MYO16: variants seen among roughly 807,000 people sequenced by gnomAD.
MYO16 encodes unconventional myosin-XVI.
Under a neutral mutation model 205.3 loss-of-function variants are expected in MYO16, and 94 were observed. The ratio of observed to expected loss-of-function variants is 0.46; its 90% CI spans 0.39 to 0.54. The LOEUF (loss-of-function observed/expected upper bound fraction) is 0.54, where lower values mean the gene tolerates loss of function less well. Among genes scored for constraint, MYO16 ranks in the 20% least tolerant of loss-of-function variants. MYO16 has a pLI of 0.00. For synonymous variants in MYO16, 988 were observed against 954.0 expected (o/e 1.04, Z -0.66); for missense variants, 2,315 against 2,387.5 (o/e 0.97, Z 0.63).
intron 1 of MYO16, among the ~76,000 whole-genome samples, chr13:108,598,318 G>GAGAC (rs61231267): frequency 6.6e-6 from 1 of 151,808 alleles, no homozygotes; most frequent in East Asian, 1.9e-4. Flanking sequence ...GAGAGAGAGA[G>GAGAC]AGACAGACAG....
intron 16 of MYO16, among the ~76,000 whole-genome samples, chr13:108,916,076 A>G (rs1374032889): frequency 6.6e-6 from 1 of 151,960 alleles, no homozygotes; most frequent in Non-Finnish European, 1.5e-5. Flanking sequence ...AGTCTTCATA[A>G]TTATGTGCTA....
At chr13:108,931,802 A>G (rs1882268358) in intron 16 of MYO16, among the ~76,000 whole-genome samples, 1 of 152,200 alleles carries the variant, frequency 6.6e-6, no homozygotes, top group Non-Finnish European at 1.5e-5. Flanking sequence ...ATTAGTTTTT[A>G]AAAATTAATC....
chr13:108,901,725 C>T (rs1880720626), intron 15 of MYO16, among the ~76,000 whole-genome samples: 1 of 152,128 alleles, frequency 6.6e-6, no homozygotes, highest in African/African-American at 2.4e-5. Flanking sequence ...TTCATAGCTT[C>T]CTGCTGTGTT....
At chr13:108,529,756 G>GGGTTCTCCAA in the MYO16 span, among the ~76,000 whole-genome samples, 20 of 152,212 alleles carry the variant, frequency 1.3e-4, no homozygotes, top group African/African-American at 4.8e-4. Context: ...TTAACCACAA[G>GGGTTCTCCAA]GGTTCTCATT....
rs1391046064 is a variant in MYO16 at position 109,141,210 on chromosome 13, G to A, written c.4998G>A (p.Arg1666=). The A allele has an allele frequency of 6.2e-7, 1 of 1,606,976 alleles. No individual in the cohort carries two copies. The highest frequency in any genetic ancestry group is 1.1e-5 in the South Asian group (1 of 90,772). ...KIPYSPVKAT[R]ADARKAGSSA... is the part of the protein sequence containing the mutation. ...CATATTCCCCCGTGAAGGCCACCAGGGCGGACGCCAGGAAGGCCGGCTCCA... is the reference window on the plus strand; with the variant it reads ...CATATTCCCCCGTGAAGGCCACCAGAGCGGACGCCAGGAAGGCCGGCTCCA... The change falls in exon 32 of 35, where the codon AGG becomes AGA. Residue 1666 remains arginine (R), a synonymous_variant. Transcript: ENST00000457511. This position sits in a 1 kb window ranked among gnomAD's most constrained non-coding sequence, Gnocchi z 4.1.
rs768474103 is a variant in MYO16 at position 108,936,599 on chromosome 13, A to T, written c.1926-21089A>T. ...CTTTGTCCTTTTTTTACTGTTACTG[A>T]TTTAAAATATATTTTATCTAATATA... On this transcript the variant is annotated intron_variant, in intron 16 of 34. Transcript: ENST00000457511. 4.9e-4 allele frequency among the ~76,000 whole-genome samples: 74 copies of T among 152,070 alleles called. 1 individual carries two copies. The highest frequency in any genetic ancestry group is 3.0e-3 in the Admixed American group (46 of 15,276).
chr13:108,567,644 C>T, the MYO16 span, among the ~76,000 whole-genome samples: 6,659 of 151,958 alleles, frequency 0.044, 439 homozygotes, highest in African/African-American at 0.15. Context: ...TCATGCAGCA[C>T]ATTAAAATGT....
At chr13:108,960,601 G>A (rs1883545294) in intron 17 of MYO16, among the ~76,000 whole-genome samples, 1 of 152,152 alleles carries the variant, frequency 6.6e-6, no homozygotes, top group African/African-American at 2.4e-5. Context: ...CATCAGCATT[G>A]TTCTTAGAAC....
chr13:109,150,267 C>T (rs189023134), intron 32 of MYO16, among the ~76,000 whole-genome samples: 6 of 152,218 alleles, frequency 3.9e-5, no homozygotes, highest in East Asian at 1.9e-4. Context: ...ACGTAGAAAC[C>T]GACATCGGTA....
intron 12 of MYO16, among the ~76,000 whole-genome samples, chr13:108,869,725 C>A (rs1228906183): frequency 3.4e-5 from 3 of 88,420 alleles, no homozygotes; most frequent in Non-Finnish European, 6.2e-5. Flanking sequence ...AGCGAGACTC[C>A]GTTTCTAAAA....
At chr13:108,730,009 T>C (rs1884470456) in intron 4 of MYO16, among the ~76,000 whole-genome samples, 1 of 152,164 alleles carries the variant, frequency 6.6e-6, no homozygotes, top group Admixed American at 6.5e-5. Context: ...AATAACAGTG[T>C]AGTGACTCAG....
chr13:109,083,791 A>C lies in MYO16; in HGVS notation c.3336-16994A>C, dbSNP rs1039180695. ...CTTGGTGGGTGGCAATCAGGACAGC[A>C]TGAGAGAGTTTTCAAGGGCACCAGC... On this transcript the variant is annotated intron_variant, in intron 27 of 34. Transcript: ENST00000457511. Among the ~76,000 whole-genome samples the C allele has an allele frequency of 2.6e-5, 4 of 152,184 alleles. No homozygotes were observed. The East Asian group carries it at 7.7e-4, about 29-fold the overall frequency.
intron 11 of MYO16, among the ~76,000 whole-genome samples, chr13:108,862,218 T>A (rs1240760329): frequency 6.6e-6 from 1 of 152,118 alleles, no homozygotes; most frequent in East Asian, 1.9e-4. Context: ...CCTGAAAGAA[T>A]AAAATTCTGA....
At chr13:109,167,696 T>C (rs1878742348) in intron 33 of MYO16, among the ~76,000 whole-genome samples, 1 of 152,172 alleles carries the variant, frequency 6.6e-6, no homozygotes, top group African/African-American at 2.4e-5. Context: ...TGTATCATAG[T>C]AAAACACCTA....
intron 27 of MYO16, among the ~76,000 whole-genome samples, chr13:109,080,019 G>A (rs1437165515): frequency 3.3e-5 from 5 of 151,686 alleles, no homozygotes; most frequent in African/African-American, 4.8e-5. Flanking sequence ...AGGATTACAG[G>A]TGCCTGCCAC....
intron 32 of MYO16, among the ~76,000 whole-genome samples, chr13:109,150,803 T>C (rs1159070793): frequency 6.6e-6 from 1 of 152,224 alleles, no homozygotes; most frequent in Non-Finnish European, 1.5e-5. Flanking sequence ...GTATATTGTG[T>C]CTCTACACTG....
intron 20 of MYO16, among the ~76,000 whole-genome samples, chr13:108,973,919 C>CT (rs1884152350): frequency 6.6e-6 from 1 of 151,696 alleles, no homozygotes; most frequent in Non-Finnish European, 1.5e-5. Flanking sequence ...ATAATTATAG[C>CT]TTTGAAGAAT....
intron 2 of MYO16, among the ~76,000 whole-genome samples, chr13:108,687,955 A>T (rs7989297): frequency 1.3e-5 from 2 of 151,946 alleles, no homozygotes; most frequent in African/African-American, 2.4e-5. Flanking sequence ...ACCATATTAC[A>T]TGAGGAAGAG....
chr13:109,041,212 A>G (rs576422128), intron 23 of MYO16, among the ~76,000 whole-genome samples: 1 of 152,324 alleles, frequency 6.6e-6, no homozygotes, highest in African/African-American at 2.4e-5. Flanking sequence ...AAAGATCTAG[A>G]TAAAAAGAAA....
Sources: gnomAD v4.1 joint callset for allele counts (sites outside exome capture counted in the v4.1 genomes callset) on GRCh38, gnomAD v4.1.1 for gene constraint, Gnocchi (gnomAD v3.1) non-coding constraint, MANE v1.5 for transcripts, NCBI Gene and HGNC (gene_info 2026-07-23, HGNC 2026-07-21) for gene names.